Variants in ANKS1A observed in about 807,000 individuals in gnomAD.
The protein encoded by ANKS1A is ankyrin repeat and SAM domain-containing protein 1A.
Under a neutral mutation model 120.3 loss-of-function variants are expected in ANKS1A, and 55 were observed. The ratio of observed to expected loss-of-function variants is 0.46; its 90% CI spans 0.37 to 0.57. The LOEUF is 0.57. Among genes scored for constraint, ANKS1A ranks in the 20% least tolerant of loss-of-function variants. ANKS1A has a pLI of 0.00. For missense variants in ANKS1A, 1,123 were observed against 1,480.3 expected, an observed-to-expected ratio of 0.76 and a Z score of 3.96; for synonymous variants, 590 against 604.7, an observed-to-expected ratio of 0.98 and a Z score of 0.36.
intron 10 of ANKS1A, among the ~76,000 whole-genome samples, chr6:35,013,016 C>T (rs922179438): frequency 6.6e-6 from 1 of 152,166 alleles, no homozygotes; most frequent in African/African-American, 2.4e-5. Flanking sequence ...GTCTCTAACT[C>T]CTGAGCTCAA....
chr6:34,968,688 T>G (rs1233257642), intron 2 of ANKS1A, among the ~76,000 whole-genome samples: 3 of 152,114 alleles, frequency 2.0e-5, no homozygotes, highest in Non-Finnish European at 4.4e-5. Flanking sequence ...TCCACCTGCC[T>G]CAGCCTCCCA....
At position 35,017,533 on chromosome 6, in the gene ANKS1A, T is replaced by G. The variant is rs1581651229; in HGVS notation, c.1484T>G (p.Val495Gly). 6.2e-7 allele frequency: 1 copy of G among 1,613,908 alleles called. No individual in the cohort carries two copies. Among genetic ancestry groups the G allele is most frequent in the Non-Finnish European group, 8.5e-7 (1 of 1,179,958 alleles). Residue 495 changes from valine (V) to glycine (G), a missense_variant, in exon 11 of 24, where the codon GTC becomes GGC. Val to Gly is a moderately radical substitution (Grantham distance 109, BLOSUM62 -3). This residue lies in a region of ANKS1A where 904 missense variants were observed against 1,130.4 expected (regional missense o/e 0.80). Transcript: ENST00000360359. ...QDSAEGQDGQ[V>G]PEQFSGLLHG... ...TCTGCGGAGGGGCAGGACGGGCAGG[T>G]CCCAGAGCAGTTCTCAGGCCTCCTC...
rs1336551937 is a variant in ANKS1A at position 35,084,367 on chromosome 6, C to T, written c.3132+109C>T. Reference sequence around the variant, plus strand: ...CGCTGTCCTGGCCCCTGGCCAGTGCCTGGCAAATGTTTGGTTCATGAATGG... The same window carrying T: ...CGCTGTCCTGGCCCCTGGCCAGTGCTTGGCAAATGTTTGGTTCATGAATGG... On this transcript the variant is annotated intron_variant, in intron 21 of 23. Transcript: ENST00000360359. This position sits in a 1 kb window ranked among gnomAD's most constrained non-coding sequence, Gnocchi z 4.8. 6.9e-7 allele frequency: 1 copy of T among 1,440,158 alleles called. No homozygotes were observed. Among genetic ancestry groups the T allele is most frequent in the African/African-American group, 1.4e-5 (1 of 70,892 alleles). 89.2% of individuals were successfully genotyped at this position (1,440,158 alleles called of 1,614,324 possible). A position where few individuals can be genotyped will look rare whatever the true frequency, so the allele number is the denominator to read the frequency against.
intron 11 of ANKS1A, chr6:35,023,578 G>A (rs966392423): frequency 4.5e-5 from 21 of 468,718 alleles, no homozygotes; most frequent in African/African-American, 3.3e-4. Context: ...TTGGTTGAAA[G>A]GAGTGCAGCT....
intron 1 of ANKS1A, among the ~76,000 whole-genome samples, chr6:34,944,858 C>T (rs1769709428): frequency 6.6e-6 from 1 of 152,122 alleles, no homozygotes; most frequent in African/African-American, 2.4e-5. Context: ...GATTTTCTCC[C>T]AGTCTGTGGC....
intron 1 of ANKS1A, among the ~76,000 whole-genome samples, chr6:34,899,763 C>T (rs539649816): frequency 2.0e-5 from 3 of 152,326 alleles, no homozygotes; most frequent in Non-Finnish European, 4.4e-5. Context: ...CTTGGCTTTG[C>T]TCATAACTAT....
At chr6:34,912,210 T>G (rs1262221481) in intron 1 of ANKS1A, among the ~76,000 whole-genome samples, 1 of 152,238 alleles carries the variant, frequency 6.6e-6, no homozygotes, top group Non-Finnish European at 1.5e-5. Context: ...TAATTAGTTA[T>G]AATTTTTACA....
intron 3 of ANKS1A, among the ~76,000 whole-genome samples, chr6:34,976,067 G>A (rs1228678005): frequency 7.0e-6 from 1 of 143,810 alleles, no homozygotes; most frequent in African/African-American, 2.5e-5. Flanking sequence ...GAACCCGAGA[G>A]GCAGAAGTTG....
Position 35,082,710 on chromosome 6 carries a change from A to G in ANKS1A, c.2729A>G (p.Lys910Arg). The G allele has an allele frequency of 6.2e-7, 1 of 1,612,222 alleles. No individual in the cohort carries two copies. The highest frequency in any genetic ancestry group is 8.5e-7 in the Non-Finnish European group (1 of 1,179,180). ...FRIQEEHREAKLTLRPPSLAA... is the reference protein window; with the variant it reads ...FRIQEEHREARLTLRPPSLAA... ...TCGCAGGAGGAGCACCGTGAGGCCA[A>G]GCTGACCCTGCGGCCCCCGAGCCTG... The change falls in exon 18 of 24, where the codon AAG becomes AGG. Residue 910 changes from lysine to arginine, a missense_variant. Around this residue, in one of 3 missense-constraint regions of ANKS1A, gnomAD observed 904 missense variants for 1,130.4 expected, o/e 0.80. Coordinates refer to ENST00000360359, the MANE Select transcript of ANKS1A (RefSeq NM_015245.3). This position sits in a 1 kb window ranked among gnomAD's most constrained non-coding sequence, Gnocchi z 4.1.
chr6:35,005,003 C>G (rs1051100163), intron 10 of ANKS1A, among the ~76,000 whole-genome samples: 11 of 152,264 alleles, frequency 7.2e-5, no homozygotes, highest in Non-Finnish European at 1.5e-4. Flanking sequence ...TTATCTTGGT[C>G]CTTAAAATCT....
chr6:34,971,101 A>G (rs1771161783), intron 3 of ANKS1A, among the ~76,000 whole-genome samples: 1 of 152,228 alleles, frequency 6.6e-6, no homozygotes, highest in African/African-American at 2.4e-5. Flanking sequence ...CTTGTTTTAC[A>G]TACATCAGAA....
chr6:35,046,084 A>G (rs1425480445), intron 11 of ANKS1A, among the ~76,000 whole-genome samples: 1 of 152,206 alleles, frequency 6.6e-6, no homozygotes, highest in East Asian at 1.9e-4. Context: ...TAAGTATTCT[A>G]ATGTGCTGCT....
intron 23 of ANKS1A, among the ~76,000 whole-genome samples, chr6:35,087,648 C>G (rs1416581921): frequency 6.6e-6 from 1 of 152,258 alleles, no homozygotes; most frequent in Middle Eastern, 3.2e-3. Flanking sequence ...TGGCCTCACT[C>G]TCATGGCTAG....
chr6:34,977,606 G>T (rs2127522558), intron 3 of ANKS1A, among the ~76,000 whole-genome samples: 1 of 152,052 alleles, frequency 6.6e-6, no homozygotes, highest in Admixed American at 6.5e-5. Context: ...TTGAGTTTTG[G>T]TTTGTTGAGT....
At chr6:35,054,934 G>T (rs1030408951) in intron 12 of ANKS1A, among the ~76,000 whole-genome samples, 2 of 152,216 alleles carry the variant, frequency 1.3e-5, no homozygotes, top group African/African-American at 4.8e-5. Context: ...AAGCAGCCCA[G>T]CTGGGAGCCT....
At chr6:34,910,549 G>A (rs1767857140) in intron 1 of ANKS1A, among the ~76,000 whole-genome samples, 1 of 152,066 alleles carries the variant, frequency 6.6e-6, no homozygotes, top group Non-Finnish European at 1.5e-5. Flanking sequence ...GGGCAACATA[G>A]CCAGACTCTG....
intron 13 of ANKS1A, among the ~76,000 whole-genome samples, chr6:35,069,751 G>C (rs2127597580): frequency 6.6e-6 from 1 of 152,054 alleles, no homozygotes; most frequent in African/African-American, 2.4e-5. Flanking sequence ...GTCAGTCCGG[G>C]TGTGGTGGCT....
chr6:35,011,520 C>T (rs1773757983), intron 10 of ANKS1A, among the ~76,000 whole-genome samples: 1 of 152,064 alleles, frequency 6.6e-6, no homozygotes, highest in Admixed American at 6.5e-5. Context: ...TAATCAAGAC[C>T]AAGTCAATGT....
chr6:34,903,183 TA>T (rs1248982531), intron 1 of ANKS1A, among the ~76,000 whole-genome samples: 1 of 152,192 alleles, frequency 6.6e-6, no homozygotes. Flanking sequence ...GTTCCCACTG[TA>T]ATCCATAAAA....
Sources: allele counts gnomAD v4.1 joint callset (sites outside exome capture counted in the v4.1 genomes callset), GRCh38; gene constraint gnomAD v4.1.1; regional missense constraint gnomAD v4.1.1; non-coding constraint Gnocchi (gnomAD v3.1); transcripts MANE v1.5; gene names NCBI Gene and HGNC (gene_info 2026-07-23, HGNC 2026-07-21).